NAALAD2: variants seen among roughly 807,000 people sequenced by gnomAD.
The protein encoded by NAALAD2 is N-acetylated-alpha-linked acidic dipeptidase 2.
A neutral mutation model predicts 95.6 loss-of-function variants in NAALAD2; 89 were observed. The ratio of observed to expected loss-of-function variants is 0.93; its 90% CI spans 0.78 to 1.11. NAALAD2 has a LOEUF of 1.11. NAALAD2 is among the 50% of genes least tolerant of loss of function. The pLI is 0.00. For missense variants in NAALAD2, 894 were observed against 872.4 expected (o/e 1.02, Z -0.31); for synonymous variants, 264 against 294.4 (o/e 0.90, Z 1.06).
intron 15 of NAALAD2, among the ~76,000 whole-genome samples, chr11:90,177,586 GTTTTTTTTTTTTTTTTTTTTTTTTTT>G (rs57694347): frequency 1.1e-4 from 3 of 28,456 alleles, no homozygotes; most frequent in African/African-American, 2.8e-4. Flanking sequence ...TCTTTTTCTT[GTTTTTTTTTTTTTTTTTTTTTTTTTT>G]TTTTTTTTTT....
intron 2 of NAALAD2, among the ~76,000 whole-genome samples, chr11:90,144,645 G>A (rs1399774636): frequency 4.6e-5 from 7 of 151,076 alleles, no homozygotes; most frequent in Non-Finnish European, 8.8e-5. Context: ...AGGAGGCTGA[G>A]GCAGGAGAAT....
At chr11:90,135,966 G>A (rs1240080151) in intron 2 of NAALAD2, among the ~76,000 whole-genome samples, 1 of 151,998 alleles carries the variant, frequency 6.6e-6, no homozygotes, top group African/African-American at 2.4e-5. Context: ...CAGTGCCTGG[G>A]TTTTAATCAG....
intron 18 of NAALAD2, 51 bp downstream of exon 18, chr11:90,183,059 C>T: frequency 7.2e-7 from 1 of 1,383,332 alleles, no homozygotes; most frequent in East Asian, 2.3e-5. Context: ...AACCAGCATA[C>T]CTAAAGTTGG....
intron 11 of NAALAD2, among the ~76,000 whole-genome samples, chr11:90,165,149 C>G (rs999471942): frequency 1.3e-5 from 2 of 152,184 alleles, no homozygotes; most frequent in Non-Finnish European, 2.9e-5. Context: ...ACAACATAGT[C>G]TCATCATTTT....
At position 90,170,992 on chromosome 11, in the gene NAALAD2, A is replaced by G. The variant is rs527279514; in HGVS notation, c.1410+856A>G. ...TTCTAACAAGGTTGTTCATTGTTTT[A>G]TGTCAGTGTAGTGAATACATTAAGT... On this transcript the variant is annotated intron_variant, in intron 13 of 18. Transcript: ENST00000534061. Among the ~76,000 whole-genome samples the G allele has an allele frequency of 5.9e-5, 9 of 152,316 alleles. No homozygotes were observed. In the South Asian group the frequency reaches 1.9e-3, roughly 32 times the overall value.
upstream of NAALAD2, among the ~76,000 whole-genome samples, chr11:90,133,104 A>T (rs1951377751): frequency 2.0e-5 from 3 of 152,186 alleles, no homozygotes; most frequent in South Asian, 4.1e-4. Flanking sequence ...AGAAAAATAA[A>T]TTTCACTCTT....
intron 18 of NAALAD2, among the ~76,000 whole-genome samples, chr11:90,190,097 C>G (rs1317022556): frequency 6.6e-6 from 1 of 152,082 alleles, no homozygotes; most frequent in African/African-American, 2.4e-5. Flanking sequence ...CTGCCTGCTT[C>G]TTATCTGAGA....
intron 6 of NAALAD2, among the ~76,000 whole-genome samples, chr11:90,154,388 T>C (rs755796185): frequency 6.6e-6 from 1 of 151,980 alleles, no homozygotes; most frequent in Non-Finnish European, 1.5e-5. Flanking sequence ...GTTTTTTCTG[T>C]GCACATAGAG....
intron 2 of NAALAD2, among the ~76,000 whole-genome samples, chr11:90,145,707 G>A (rs1008737760): frequency 6.6e-6 from 1 of 152,126 alleles, no homozygotes; most frequent in Non-Finnish European, 1.5e-5. Context: ...AAAGGAGAGT[G>A]ATTAGAAGTG....
rs909046507 is a variant in NAALAD2, at chr11:90,155,037, A to G, written c.796+2553A>G. ...ATATACATATACATAATATGTATAT[A>G]TGTGTGTATATATTATATACATATA... On this transcript the variant is annotated intron_variant, in intron 6 of 18. Transcript: ENST00000534061. 1.7e-4 allele frequency among the ~76,000 whole-genome samples: 21 copies of G among 122,442 alleles called. No homozygotes were observed. In the South Asian group the frequency reaches 4.3e-3, roughly 25 times the overall value. The allele number at this position is 122,442 out of a possible 152,430, so 80.3% of individuals were successfully genotyped here.
intron 13 of NAALAD2, 46 bp from the exon 14 acceptor site, chr11:90,173,778 T>C: frequency 7.6e-7 from 1 of 1,322,752 alleles, no homozygotes; most frequent in Middle Eastern, 1.9e-4. Context: ...GGCATAAATG[T>C]AGTTGCTTCT....
chr11:90,177,586 GTTTTTTTTTTTTTTTTTTTT>G (rs57694347), intron 15 of NAALAD2, among the ~76,000 whole-genome samples: 4 of 28,464 alleles, frequency 1.4e-4, no homozygotes, highest in East Asian at 1.2e-3. Flanking sequence ...TCTTTTTCTT[GTTTTTTTTTTTTTTTTTTTT>G]TTTTTTTTTT....
intron 15 of NAALAD2, 68 bp from the exon 16 acceptor site, chr11:90,177,785 T>G: frequency 7.2e-7 from 1 of 1,391,380 alleles, no homozygotes; most frequent in Non-Finnish European, 9.8e-7. Context: ...ATTTTTATGC[T>G]TACATAAAAA....
chr11:90,187,739 A>G (rs1857198428), intron 18 of NAALAD2, among the ~76,000 whole-genome samples: 1 of 152,210 alleles, frequency 6.6e-6, no homozygotes, highest in African/African-American at 2.4e-5. Context: ...CATTTTTAAG[A>G]TCTGCTATTT....
intron 6 of NAALAD2, 92 bp from the exon 7 acceptor site, chr11:90,158,053 T>C (rs1291968396): frequency 4.2e-6 from 4 of 954,950 alleles, no homozygotes; most frequent in Admixed American, 2.1e-5. Context: ...TGCAAATGTA[T>C]AGCAAATCTG....
At chr11:90,150,665 T>C in intron 5 of NAALAD2, 58 bp downstream of exon 5, 1 of 1,338,814 alleles carries the variant, frequency 7.5e-7, no homozygotes, top group Admixed American at 2.6e-5. Flanking sequence ...TCTGTAAATG[T>C]AAATGACCAA....
At chr11:90,144,093 A>G (rs2134842448) in intron 2 of NAALAD2, among the ~76,000 whole-genome samples, 1 of 152,326 alleles carries the variant, frequency 6.6e-6, no homozygotes, top group South Asian at 2.1e-4. Flanking sequence ...ATGAGTAGGA[A>G]TGAACATCAC....
chr11:90,171,865 A>T (rs1351869143), intron 13 of NAALAD2, among the ~76,000 whole-genome samples: 1 of 152,160 alleles, frequency 6.6e-6, no homozygotes, highest in Non-Finnish European at 1.5e-5. Flanking sequence ...ATCAATTCTG[A>T]CAATGCATGT....
intron 1 of NAALAD2, chr11:90,135,274 A>G (rs752641112): frequency 2.1e-5 from 7 of 327,560 alleles, no homozygotes; most frequent in Non-Finnish European, 3.9e-5. Context: ...CAGGGACTAG[A>G]GATCCAGGGA....
Sources: gnomAD v4.1 joint callset for allele counts (sites outside exome capture counted in the v4.1 genomes callset) on GRCh38, gnomAD v4.1.1 for gene constraint, MANE v1.5 for transcripts, NCBI Gene and HGNC (gene_info 2026-07-23, HGNC 2026-07-21) for gene names.